BAZ1A: variants seen among roughly 807,000 people sequenced by gnomAD.
BAZ1A encodes the protein bromodomain adjacent to zinc finger domain protein 1A.
BAZ1A carries 50 observed loss-of-function variants against 185.2 expected under a neutral mutation model. That is an observed-to-expected ratio of 0.27 (90% confidence interval 0.22 to 0.34). The LOEUF (loss-of-function observed/expected upper bound fraction) is 0.34, where lower values mean the gene tolerates loss of function less well. BAZ1A is among the 10% of genes least tolerant of loss of function. The pLI is 1.00. For synonymous variants in BAZ1A, 571 were observed against 615.6 expected, an observed-to-expected ratio of 0.93 and a Z score of 1.07; for missense variants, 1,356 against 1,839.9, an observed-to-expected ratio of 0.74 and a Z score of 4.81.
At chr14:34,872,941 A>AAAAAAAAAAAAAAAAAC (rs1555346584) in intron 2 of BAZ1A, among the ~76,000 whole-genome samples, 8 of 122,620 alleles carry the variant, frequency 6.5e-5, no homozygotes, top group Admixed American at 1.7e-4. Flanking sequence ...AAAAAAAAAA[A>AAAAAAAAAAAAAAAAAC]CTTGTCCAAT....
chr14:34,809,731 T>C (rs567989801), intron 5 of BAZ1A, among the ~76,000 whole-genome samples: 8 of 152,136 alleles, frequency 5.3e-5, no homozygotes, highest in Non-Finnish European at 1.2e-4. Context: ...AGAATAATTA[T>C]ATTTAAAGTA....
intron 11 of BAZ1A, among the ~76,000 whole-genome samples, chr14:34,794,351 C>A (rs181346501): frequency 1.4e-4 from 22 of 152,276 alleles, no homozygotes; most frequent in African/African-American, 5.3e-4. Context: ...TCTGCAAACA[C>A]CCATATACCA....
intron 5 of BAZ1A, among the ~76,000 whole-genome samples, 194 bp from the exon 6 acceptor site, chr14:34,807,732 AT>A (rs2041866670): frequency 6.6e-6 from 1 of 152,208 alleles, no homozygotes; most frequent in Non-Finnish European, 1.5e-5. Flanking sequence ...AAGTTATAAG[AT>A]CTACATGAGT....
At chr14:34,820,332 A>G (rs981940273) in intron 4 of BAZ1A, among the ~76,000 whole-genome samples, 4 of 151,832 alleles carry the variant, frequency 2.6e-5, no homozygotes, top group African/African-American at 7.2e-5. Context: ...GGGTTTCACT[A>G]TGTTGCCCAG....
At chr14:34,788,421 G>A (rs762939748) in intron 12 of BAZ1A, among the ~76,000 whole-genome samples, 3 of 151,824 alleles carry the variant, frequency 2.0e-5, no homozygotes, top group Admixed American at 6.6e-5. Context: ...CTCCCACCTC[G>A]GCCTCCCCAG....
At chr14:34,849,390 TTAGTA>T (rs931872248) in intron 3 of BAZ1A, among the ~76,000 whole-genome samples, 5 of 152,226 alleles carry the variant, frequency 3.3e-5, no homozygotes, top group African/African-American at 1.2e-4. Flanking sequence ...ATTTTTTATG[TTAGTA>T]TAGTATAGAA....
intron 25 of BAZ1A, among the ~76,000 whole-genome samples, chr14:34,756,439 GAC>G (rs1471191015): frequency 7.0e-6 from 1 of 142,460 alleles, no homozygotes; most frequent in Non-Finnish European, 1.5e-5. Flanking sequence ...TTACAGGCGT[GAC>G]ACACTGCACC....
At chr14:34,788,809 G>C (rs564341647) in intron 12 of BAZ1A, among the ~76,000 whole-genome samples, 1 of 152,214 alleles carries the variant, frequency 6.6e-6, no homozygotes, top group Non-Finnish European at 1.5e-5. Context: ...GGTGCCTTGG[G>C]TTAGAGTTTG....
chr14:34,763,988 G>A (rs189085159), intron 23 of BAZ1A, among the ~76,000 whole-genome samples: 22 of 152,166 alleles, frequency 1.4e-4, no homozygotes, highest in African/African-American at 4.6e-4. Flanking sequence ...GCCCTCAACC[G>A]GAGGTTCAAG....
At chr14:34,851,618 T>A (rs1355604941) in intron 3 of BAZ1A, among the ~76,000 whole-genome samples, 2 of 151,736 alleles carry the variant, frequency 1.3e-5, no homozygotes, top group African/African-American at 4.8e-5. Context: ...TCACCATTCT[T>A]CCAGCGTTTC....
At chr14:34,767,128 TTATC>T (rs932738312) in intron 21 of BAZ1A, among the ~76,000 whole-genome samples, 17 of 152,352 alleles carry the variant, frequency 1.1e-4, no homozygotes, top group Non-Finnish European at 1.8e-4. Flanking sequence ...TTTTCCATCT[TTATC>T]TATGTTGTTT....
chr14:34,855,016 T>C (rs1167817299), intron 3 of BAZ1A, among the ~76,000 whole-genome samples: 2 of 151,752 alleles, frequency 1.3e-5, no homozygotes, highest in South Asian at 2.1e-4. Flanking sequence ...TAGGCGGAGG[T>C]TGCAGTGAGC....
intron 21 of BAZ1A, among the ~76,000 whole-genome samples, chr14:34,766,901 G>C (rs1395962346): frequency 6.6e-6 from 1 of 152,138 alleles, no homozygotes; most frequent in Non-Finnish European, 1.5e-5. Context: ...ACTAGAATTA[G>C]AAACAGAATA....
At position 34,754,897 on chromosome 14, in the gene BAZ1A, G is replaced by C; in HGVS notation, c.4404C>G (p.Asp1468Glu). 6.2e-7 allele frequency: 1 copy of C among 1,602,098 alleles called. No homozygotes were observed. Among genetic ancestry groups the C allele is most frequent in the Non-Finnish European group, 8.5e-7 (1 of 1,174,472 alleles). Residue 1468 changes from aspartate to glutamate, a missense_variant, in exon 26 of 27, where the codon GAC (aspartate) becomes GAG (glutamate). Around this residue, in one of 7 missense-constraint regions of BAZ1A, gnomAD observed 61 missense variants for 117.9 expected, o/e 0.52. Transcript: ENST00000360310. ...VSKIQVPDYYDIIKKPIALNI... is the reference protein window; with the variant it reads ...VSKIQVPDYYEIIKKPIALNI... ...TTAAGGCAATGGGCTTTTTGATGAT[G>C]TCATAGTAGTCTGGGACCTGTAAAA...
intron 12 of BAZ1A, chr14:34,786,432 T>TAAATTAACAGAA (rs1389614530): frequency 4.5e-6 from 2 of 441,628 alleles, no homozygotes; most frequent in African/African-American, 4.1e-5. Context: ...GACATTTCTG[T>TAAATTAACAGAA]AAATTAACAG....
chr14:34,769,513 A>G (rs1175714156), intron 21 of BAZ1A, among the ~76,000 whole-genome samples: 2 of 152,172 alleles, frequency 1.3e-5, no homozygotes, highest in Non-Finnish European at 2.9e-5. Context: ...CCTACTAGAC[A>G]AGTTGTAACA....
intron 4 of BAZ1A, among the ~76,000 whole-genome samples, chr14:34,813,631 C>T (rs925054288): frequency 3.0e-4 from 45 of 151,860 alleles, no homozygotes; most frequent in African/African-American, 9.9e-4. Context: ...TGCAGTGAGC[C>T]GAGATTGTGC....
intron 4 of BAZ1A, among the ~76,000 whole-genome samples, chr14:34,819,452 G>C (rs1221756169): frequency 6.6e-6 from 1 of 152,120 alleles, no homozygotes; most frequent in East Asian, 1.9e-4. Context: ...GGAATCATAA[G>C]TATGTAGACT....
rs1013841969 is a variant in BAZ1A, at chr14:34,836,408, A to C, written c.393-10252T>G. Among the ~76,000 whole-genome samples, 5 of 20,402 alleles carry C rather than the reference A, an allele frequency of 2.5e-4. 2 individuals carry two copies. Among genetic ancestry groups the C allele is most frequent in the South Asian group, 5.2e-3 (2 of 388 alleles). The allele number at this position is 20,402 out of a possible 152,430, so 13.4% of individuals were successfully genotyped here. A position where few individuals can be genotyped will look rare whatever the true frequency, so the allele number is the denominator to read the frequency against. Reference sequence around the variant, plus strand: ...AAAAAAAAAAAAAAAAAAAAAAAAAAAAAAAAAAAAACTTTCTATAACTGA... The same window carrying C: ...AAAAAAAAAAAAAAAAAAAAAAAAACAAAAAAAAAAACTTTCTATAACTGA... On this transcript the variant is annotated intron_variant, in intron 3 of 26. Transcript: ENST00000360310.
Sources: gnomAD v4.1 joint callset for allele counts (sites outside exome capture counted in the v4.1 genomes callset) on GRCh38, gnomAD v4.1.1 for gene constraint, gnomAD v4.1.1 regional missense constraint, MANE v1.5 for transcripts, NCBI Gene and HGNC (gene_info 2026-07-23, HGNC 2026-07-21) for gene names.